IGFBP7: variants seen among roughly 807,000 people sequenced by gnomAD.
The protein encoded by IGFBP7 is insulin-like growth factor-binding protein 7.
IGFBP7 carries 31 observed loss-of-function variants against 29.4 expected under a neutral mutation model. That is an observed-to-expected ratio of 1.05 (90% CI 0.79 to 1.42). The LOEUF (loss-of-function observed/expected upper bound fraction) is 1.42. IGFBP7 is among the 40% of genes most tolerant of loss of function. IGFBP7 has a pLI of 0.00. For missense variants in IGFBP7, 393 were observed against 395.5 expected (o/e 0.99, Z 0.05); for synonymous variants, 172 against 174.9 (o/e 0.98, Z 0.13).
intron 1 of IGFBP7, chr4:57,072,978 G>A (rs961666897): frequency 1.1e-5 from 9 of 850,766 alleles, no homozygotes; most frequent in Non-Finnish European, 1.8e-5. Context: ...TATGATGTCA[G>A]GACCATCCTG....
intron 1 of IGFBP7, among the ~76,000 whole-genome samples, chr4:57,103,667 T>TTTC (rs1369166241): frequency 7.5e-6 from 1 of 133,250 alleles, no homozygotes; most frequent in Non-Finnish European, 1.6e-5. Flanking sequence ...TTTCTTTTTT[T>TTTC]TTTTTTTTTG....
At chr4:57,075,888 T>A in intron 1 of IGFBP7, among the ~76,000 whole-genome samples, 1 of 152,174 alleles carries the variant, frequency 6.6e-6, no homozygotes, top group East Asian at 1.9e-4. Context: ...GGAACATGGA[T>A]CTGTTATATA....
At chr4:57,084,610 G>T (rs927086008) in intron 1 of IGFBP7, among the ~76,000 whole-genome samples, 3 of 152,056 alleles carry the variant, frequency 2.0e-5, no homozygotes, top group African/African-American at 7.2e-5. Context: ...AGCAATTCTT[G>T]CTTCCACCAC....
chr4:57,037,381 G>GT (rs1244510150), intron 2 of IGFBP7, among the ~76,000 whole-genome samples: 46 of 59,156 alleles, frequency 7.8e-4, no homozygotes, highest in African/African-American at 2.6e-3. Context: ...TGGGTTTTTT[G>GT]GTTTTTTTTT....
rs757898933 is a variant in IGFBP7 at position 57,032,450 on chromosome 4, A to C, written c.805T>G (p.Leu269Val). ...ASAKITVVDA[L>V]HEIPVKKGEG... ...CCTTTTTTCACTGGTATTTCATGTAAGGCATCAACCACTGTAATTTTTGCT... is the reference window on the plus strand; with the variant it reads ...CCTTTTTTCACTGGTATTTCATGTACGGCATCAACCACTGTAATTTTTGCT... The change falls in exon 4 of 5, where the codon TTA becomes GTA. Residue 269 changes from leucine to valine, a missense_variant. Transcript: ENST00000295666. 1.9e-6 allele frequency: 3 copies of C among 1,613,692 alleles called. No individual in the cohort carries two copies. Among genetic ancestry groups the C allele is most frequent in the African/African-American group, 1.3e-5 (1 of 75,048 alleles).
intron 1 of IGFBP7, among the ~76,000 whole-genome samples, chr4:57,076,331 G>A (rs373075309): frequency 1.6e-4 from 25 of 152,068 alleles, no homozygotes; most frequent in Non-Finnish European, 2.2e-4. Flanking sequence ...TAGAACCAAC[G>A]TACCAAGGAA....
At chr4:57,070,721 C>G (rs1725033304) in intron 1 of IGFBP7, among the ~76,000 whole-genome samples, 1 of 152,192 alleles carries the variant, frequency 6.6e-6, no homozygotes, top group South Asian at 2.1e-4. Context: ...ATAAGAAGAC[C>G]TTTGTTTTCT....
chr4:57,072,311 C>T (rs1725071051), intron 1 of IGFBP7, among the ~76,000 whole-genome samples: 1 of 152,052 alleles, frequency 6.6e-6, no homozygotes, highest in Admixed American at 6.5e-5. Flanking sequence ...ATTCATGTTC[C>T]CACAAAAGAC....
At chr4:57,060,780 G>A (rs760190472) in intron 1 of IGFBP7, among the ~76,000 whole-genome samples, 5 of 152,206 alleles carry the variant, frequency 3.3e-5, no homozygotes, top group South Asian at 2.1e-4. Flanking sequence ...TTAGCCAGGC[G>A]TGGTGGTGTG....
intron 1 of IGFBP7, among the ~76,000 whole-genome samples, chr4:57,050,125 A>G (rs1236826884): frequency 6.6e-6 from 1 of 152,092 alleles, no homozygotes; most frequent in Non-Finnish European, 1.5e-5. Flanking sequence ...AGCAAATCCC[A>G]CCGAGATGGG....
At chr4:57,106,198 G>T (rs536030839) in intron 1 of IGFBP7, among the ~76,000 whole-genome samples, 2 of 152,118 alleles carry the variant, frequency 1.3e-5, no homozygotes, top group Non-Finnish European at 2.9e-5. Flanking sequence ...GAGCCATGGC[G>T]CCTGGCTGCC....
intron 1 of IGFBP7, among the ~76,000 whole-genome samples, chr4:57,081,992 T>A (rs1370274906): frequency 8.5e-5 from 13 of 152,148 alleles, no homozygotes; most frequent in African/African-American, 1.4e-4. Flanking sequence ...TGAAAGGCAC[T>A]GTTGTAGAAC....
intron 1 of IGFBP7, among the ~76,000 whole-genome samples, chr4:57,061,345 T>A (rs756669961): frequency 1.3e-5 from 2 of 152,184 alleles, no homozygotes; most frequent in Non-Finnish European, 2.9e-5. Context: ...ATACCTCTGA[T>A]AAAATCTGTT....
chr4:57,074,235 A>G (rs950829441), intron 1 of IGFBP7, among the ~76,000 whole-genome samples: 1 of 152,042 alleles, frequency 6.6e-6, no homozygotes, highest in African/African-American at 2.4e-5. Flanking sequence ...TAATTTTGGT[A>G]TTTTTAGTGG....
rs760673336 is a variant in IGFBP7 at position 57,076,027 on chromosome 4, T to C, written c.475+33850A>G. 1.5e-4 allele frequency among the ~76,000 whole-genome samples: 23 copies of C among 152,210 alleles called. 1 individual carries two copies. Among genetic ancestry groups the C allele is most frequent in the Admixed American group, 1.2e-3 (18 of 15,276 alleles). On this transcript the variant is annotated intron_variant, in intron 1 of 4. Transcript: ENST00000295666. ...GCCTGGGCTGCTATAACAAATACCA[T>C]GGACTTGGTGGCTTAAGCATCTGAA...
intron 1 of IGFBP7, chr4:57,073,074 CT>C: frequency 5.2e-6 from 8 of 1,535,734 alleles, no homozygotes; most frequent in Non-Finnish European, 6.3e-6. Flanking sequence ...CCCCCCACAG[CT>C]TTTAAGAAGC....
intron 1 of IGFBP7, among the ~76,000 whole-genome samples, chr4:57,109,177 T>G (rs1726107693): frequency 6.6e-6 from 1 of 152,160 alleles, no homozygotes; most frequent in South Asian, 2.1e-4. Context: ...GGTTTATGCC[T>G]GTAATCCCAG....
chr4:57,088,825 T>A (rs1468449254), intron 1 of IGFBP7, among the ~76,000 whole-genome samples: 1 of 151,610 alleles, frequency 6.6e-6, no homozygotes, highest in Non-Finnish European at 1.5e-5. Context: ...AGGTCAGGAG[T>A]TCGAGACCAG....
intron 1 of IGFBP7, among the ~76,000 whole-genome samples, chr4:57,086,930 C>T (rs1331238124): frequency 1.3e-5 from 2 of 152,124 alleles, no homozygotes; most frequent in Non-Finnish European, 2.9e-5. Context: ...GACTGGGTTT[C>T]ACCATGTTGG....
Sources: gnomAD v4.1 joint callset for allele counts (sites outside exome capture counted in the v4.1 genomes callset) on GRCh38, gnomAD v4.1.1 for gene constraint, MANE v1.5 for transcripts, NCBI Gene and HGNC (gene_info 2026-07-23, HGNC 2026-07-21) for gene names.